MAFK: variants seen among roughly 807,000 people sequenced by gnomAD.
MAFK encodes transcription factor MafK.
In MAFK, 1 loss-of-function variant was observed where a neutral mutation model predicts 9.2. The observed-to-expected ratio is 0.11, with a 90% CI of 0.04 to 0.52. The LOEUF (loss-of-function observed/expected upper bound fraction) is 0.52. Ranked by LOEUF, MAFK falls within the 20% of genes least tolerant of loss-of-function variation. The pLI is 0.94. For synonymous variants in MAFK, 110 were observed against 107.4 expected (o/e 1.02, Z -0.15); for missense variants, 207 against 236.0 (o/e 0.88, Z 0.81).
chr7:1,533,810 C>T (rs534450038), intron 1 of MAFK, among the ~76,000 whole-genome samples: 2 of 152,112 alleles, frequency 1.3e-5, no homozygotes, highest in East Asian at 3.9e-4. Flanking sequence ...GGCATCTGGG[C>T]CCCCCGGAAT....
intron 1 of MAFK, chr7:1,538,225 A>C: frequency 1.0e-6 from 1 of 975,098 alleles, no homozygotes; most frequent in Non-Finnish European, 1.2e-6. Flanking sequence ...GAATGATTAG[A>C]ATGTGTGACA....
rs994750779 is a variant in MAFK, at chr7:1,540,404, G to A, written c.*29G>A. ...CGGCCGGGGGCGGGGGGTGGCGGGC[G>A]GCGGGCGGCGGGCAGGCGGGTGGGG... On this transcript the variant is annotated 3_prime_UTR_variant, in exon 3 of 3. Transcript: ENST00000343242. 1.1e-5 allele frequency: 15 copies of A among 1,342,804 alleles called. No individual in the cohort carries two copies. The highest frequency in any genetic ancestry group is 7.4e-5 in the South Asian group (5 of 67,250). The allele number at this position is 1,342,804 out of a possible 1,614,324, so 83.2% of individuals were successfully genotyped here.
chr7:1,538,473 C>T (rs1784092418), intron 1 of MAFK: 9 of 340,972 alleles, frequency 2.6e-5, no homozygotes, highest in Admixed American at 6.7e-5. Flanking sequence ...TGTCCCGTGG[C>T]CTGTGGGGAG....
chr7:1,539,423 C>T (rs1297176915), intron 2 of MAFK, among the ~76,000 whole-genome samples, 195 bp downstream of exon 2: 2 of 152,138 alleles, frequency 1.3e-5, no homozygotes, highest in East Asian at 1.9e-4. Flanking sequence ...TGGTTCCAGG[C>T]GATGACTCCC....
rs1197901797 is a variant in MAFK, at chr7:1,534,227, G to A, written c.-45+3329G>A. ...GCCGGACAGTGGGGGCCCTCGCAGT[G>A]TAGGACCTCATCCTCAGTAGGAAGG... is the stretch of plus-strand genomic sequence containing the variant. On this transcript the variant is annotated intron_variant, in intron 1 of 2. Transcript: ENST00000343242. The surrounding 1 kb of genome is among the most constrained non-coding windows in gnomAD (Gnocchi z 4.3). The A allele has an allele frequency of 2.2e-6, 1 of 455,458 alleles. No homozygotes were observed. The highest frequency in any genetic ancestry group is 4.4e-6 in the Non-Finnish European group (1 of 226,428). 28.2% of individuals were successfully genotyped at this position (455,458 alleles called of 1,614,324 possible).
At chr7:1,539,450 A>G (rs1372464827) in intron 2 of MAFK, among the ~76,000 whole-genome samples, 1 of 152,156 alleles carries the variant, frequency 6.6e-6, no homozygotes, top group African/African-American at 2.4e-5. Flanking sequence ...AGGGCGTGGC[A>G]GGGTCTGCTG....
Position 1,532,667 on chromosome 7 carries a change from C to T in MAFK, c.-45+1769C>T, listed in dbSNP as rs546399797. On this transcript the variant is annotated intron_variant, in intron 1 of 2. Coordinates refer to ENST00000343242, the MANE Select transcript of MAFK (RefSeq NM_002360.4). The surrounding 1 kb of genome is among the most constrained non-coding windows in gnomAD (Gnocchi z 4.5). Reference sequence around the variant, plus strand: ...GCTGCTGTTAAGGGAGACCGTCTTCCGGGCCACTTCGCTGTCTACAAGGCG... The same window carrying T: ...GCTGCTGTTAAGGGAGACCGTCTTCTGGGCCACTTCGCTGTCTACAAGGCG... Among the ~76,000 whole-genome samples the T allele has an allele frequency of 3.2e-3, 491 of 152,302 alleles. No individual in the cohort carries two copies. Among genetic ancestry groups the T allele is most frequent in the Middle Eastern group, 0.01 (3 of 294 alleles).
chr7:1,531,511 AG>A lies in MAFK; in HGVS notation c.-45+616del, dbSNP rs1398973329. 2.0e-5 allele frequency among the ~76,000 whole-genome samples: 3 copies of A among 152,128 alleles called. No homozygotes were observed. The East Asian group carries it at 5.8e-4, about 30-fold the overall frequency. ...TGTCGCTCTCAGCCGCCCACCTGCC[AG>A]GGTTGCTGGAAGGAAGGCCGTGGGG... is the stretch of plus-strand genomic sequence containing the variant. On this transcript the variant is annotated intron_variant, in intron 1 of 2. Coordinates refer to ENST00000343242, the MANE Select transcript of MAFK (RefSeq NM_002360.4).
At chr7:1,533,991 C>A (rs1346477651) in intron 1 of MAFK, 2 of 346,228 alleles carry the variant, frequency 5.8e-6, no homozygotes, top group East Asian at 1.5e-4. Context: ...TCTGCTGCTG[C>A]AGCTGCCTGA....
Position 1,534,928 on chromosome 7 carries a change from A to G in MAFK, c.-45+4030A>G, listed in dbSNP as rs983795783. On this transcript the variant is annotated intron_variant, in intron 1 of 2. Transcript: ENST00000343242. This position sits in a 1 kb window ranked among gnomAD's most constrained non-coding sequence, Gnocchi z 4.3. ...CTCTTTTTTTTTTTCCTAAAAGATA[A>G]GGTCTTGCCCTGTCACTCAGGCTGC... Among the ~76,000 whole-genome samples, 1 of 151,828 alleles carries G rather than the reference A, an allele frequency of 6.6e-6. No individual in the cohort carries two copies. The highest frequency in any genetic ancestry group is 2.4e-5 in the African/African-American group (1 of 41,320).
chr7:1,541,492 G>A lies in MAFK; in HGVS notation c.*1117G>A, dbSNP rs111601093. 1.4e-4 allele frequency: 21 copies of A among 153,160 alleles called. 3 individuals are homozygous for A. The highest frequency in any genetic ancestry group is 5.8e-4 in the East Asian group (3 of 5,200). The allele number at this position is 153,160 out of a possible 1,614,324, so 9.5% of individuals were successfully genotyped here. A position where few individuals can be genotyped will look rare whatever the true frequency, so the allele number is the denominator to read the frequency against. The stretch of plus-strand genomic sequence containing the variant: ...GTGGGAGGAGGCGGGAGCCGTGTGC[G>A]AGAGCAGGTGGAAAGCCTTGAGGGG... On this transcript the variant is annotated 3_prime_UTR_variant, in exon 3 of 3. Coordinates refer to ENST00000343242, the MANE Select transcript of MAFK (RefSeq NM_002360.4).
intron 1 of MAFK, among the ~76,000 whole-genome samples, chr7:1,535,563 G>A (rs552816681): frequency 6.6e-6 from 1 of 152,364 alleles, no homozygotes; most frequent in Non-Finnish European, 1.5e-5. Context: ...GCTGAGGCAG[G>A]AGGATCGCTT....
chr7:1,538,620 T>C (rs1413482399), intron 1 of MAFK: 2 of 202,748 alleles, frequency 9.9e-6, no homozygotes, highest in Admixed American at 1.3e-4. Flanking sequence ...GTAGGGTCGC[T>C]GTCCAGCGGG....
chr7:1,540,413 C>CTT lies in MAFK; in HGVS notation c.*38_*39insTT. 1 of 165,000 alleles carries CTT rather than the reference C, an allele frequency of 6.1e-6. No individual in the cohort carries two copies. Among genetic ancestry groups the CTT allele is most frequent in the Non-Finnish European group, 1.2e-5 (1 of 80,750 alleles). 10.2% of individuals were successfully genotyped at this position (165,000 alleles called of 1,614,324 possible). A position where few individuals can be genotyped will look rare whatever the true frequency, so the allele number is the denominator to read the frequency against. ...GCGGGGGGTGGCGGGCGGCGGGCGG[C>CTT]GGGCAGGCGGGTGGGGGCACACCCC... On this transcript the variant is annotated 3_prime_UTR_variant, in exon 3 of 3. Coordinates refer to ENST00000343242, the MANE Select transcript of MAFK (RefSeq NM_002360.4).
intron 1 of MAFK, among the ~76,000 whole-genome samples, chr7:1,536,148 C>T (rs962747042): frequency 3.9e-5 from 6 of 152,318 alleles, no homozygotes; most frequent in African/African-American, 9.6e-5. Context: ...GGGGCGTGAG[C>T]GCTGCACCCT....
intron 1 of MAFK, among the ~76,000 whole-genome samples, chr7:1,533,376 G>T (rs1304028769): frequency 6.6e-6 from 1 of 152,218 alleles, no homozygotes. Flanking sequence ...CATGCCTTGG[G>T]GAGGCCCCCT....
Position 1,540,125 on chromosome 7 carries a change from C to T in MAFK, c.221C>T (p.Thr74Met), listed in dbSNP as rs1437310453. The change falls in exon 3 of 3, where the codon ACG (threonine) becomes ATG (methionine). Residue 74 changes from threonine to methionine, a missense_variant. By Grantham distance (81) the Thr-to-Met change is moderately conservative. Transcript: ENST00000343242. The part of the protein sequence containing the change: ...YAASCRIKRV[T>M]QKEELERQRV... ...GCCAGCTGCCGCATCAAGCGGGTGA[C>T]GCAGAAGGAGGAGCTGGAGCGGCAG... The T allele has an allele frequency of 2.5e-6, 4 of 1,574,496 alleles. No individual in the cohort carries two copies. Among genetic ancestry groups the T allele is most frequent in the Non-Finnish European group, 2.6e-6 (3 of 1,160,020 alleles).
At position 1,532,049 on chromosome 7, in the gene MAFK, C is replaced by T. The variant is rs747253640; in HGVS notation, c.-45+1151C>T. On this transcript the variant is annotated intron_variant, in intron 1 of 2. Coordinates refer to ENST00000343242, the MANE Select transcript of MAFK (RefSeq NM_002360.4). This position sits in a 1 kb window ranked among gnomAD's most constrained non-coding sequence, Gnocchi z 4.5. ...GGGAAGATCCTGAGACTCAAAACGC[C>T]CCCCACCGCCCCCCATCGTGGTCTA... Among the ~76,000 whole-genome samples, 10 of 152,208 alleles carry T rather than the reference C, an allele frequency of 6.6e-5. No individual in the cohort carries two copies. Among genetic ancestry groups the T allele is most frequent in the Non-Finnish European group, 1.2e-4 (8 of 68,038 alleles).
Position 1,539,210 on chromosome 7 carries a change from A to C in MAFK, c.18A>C (p.Lys6Asn), listed in dbSNP as rs781568691. ...CCCGGGTTATGACGACTAATCCCAA[A>C]CCGAATAAGGCATTAAAGGTAAGGC... MTTNP[K>N]PNKALKVKKE... Residue 6 changes from lysine (K) to asparagine (N), a missense_variant, in exon 2 of 3, where the codon AAA becomes AAC. Transcript: ENST00000343242. 1 of 1,611,884 alleles carries C rather than the reference A, an allele frequency of 6.2e-7. No homozygotes were observed.
Sources: allele counts gnomAD v4.1 joint callset (sites outside exome capture counted in the v4.1 genomes callset), GRCh38; gene constraint gnomAD v4.1.1; non-coding constraint Gnocchi (gnomAD v3.1); transcripts MANE v1.5; gene names NCBI Gene and HGNC (gene_info 2026-07-23, HGNC 2026-07-21).